The following TENM3 variants were observed in gnomAD, a reference collection of about 807,000 sequenced individuals.
The protein encoded by TENM3 is teneurin-3.
In TENM3, 63 loss-of-function variants were observed where a neutral mutation model predicts 255.1. That is an observed-to-expected ratio of 0.25 (90% CI 0.20 to 0.30). The LOEUF is 0.30. Ranked by LOEUF, TENM3 falls within the 10% of genes least tolerant of loss-of-function variation. The pLI is 1.00. For missense variants in TENM3, 2,929 were observed against 3,461.1 expected (o/e 0.85, Z 3.86); for synonymous variants, 1,306 against 1,322.3 (o/e 0.99, Z 0.27).
At chr4:182,547,060 G>A (rs974026494) in intron 3 of TENM3, among the ~76,000 whole-genome samples, 3 of 152,044 alleles carry the variant, frequency 2.0e-5, no homozygotes, top group African/African-American at 4.8e-5. Flanking sequence ...TGTACCTCAC[G>A]TGATTAATTC....
At chr4:182,351,991 ATC>A (rs1269572876) in intron 3 of TENM3, among the ~76,000 whole-genome samples, 1 of 152,130 alleles carries the variant, frequency 6.6e-6, no homozygotes, top group East Asian at 1.9e-4. Context: ...GGAAAATTAT[ATC>A]TGTTTATGTG....
chr4:182,588,678 C>G (rs1746293764), intron 3 of TENM3, among the ~76,000 whole-genome samples: 1 of 152,030 alleles, frequency 6.6e-6, no homozygotes, highest in Non-Finnish European at 1.5e-5. Context: ...TACACTGAGA[C>G]ATTTTAAAGG....
At chr4:181,599,659 G>C in the TENM3 span, among the ~76,000 whole-genome samples, 1 of 152,266 alleles carries the variant, frequency 6.6e-6, no homozygotes, top group South Asian at 2.1e-4. Flanking sequence ...TCTGGGCAAG[G>C]TGTGGTAATA....
chr4:182,686,663 G>A (rs796989725), intron 11 of TENM3, among the ~76,000 whole-genome samples: 12 of 152,218 alleles, frequency 7.9e-5, no homozygotes, highest in African/African-American at 2.9e-4. Context: ...ACAGCAGTTT[G>A]TTCATTAATT....
chr4:181,551,118 T>C, the TENM3 span, among the ~76,000 whole-genome samples: 2 of 152,170 alleles, frequency 1.3e-5, no homozygotes, highest in African/African-American at 4.8e-5. Context: ...GGGAAGCAGG[T>C]TATGGTAGCA....
chr4:182,101,092 G>GAGGAAGGAAGGAAGGAAAGA, the TENM3 span, among the ~76,000 whole-genome samples: 2 of 33,210 alleles, frequency 6.0e-5, no homozygotes, highest in Non-Finnish European at 7.0e-5. Flanking sequence ...GGGAGGGAGG[G>GAGGAAGGAAGGAAGGAAAGA]AGGGAGGGAG....
chr4:181,605,034 A>G, the TENM3 span, among the ~76,000 whole-genome samples: 1 of 152,210 alleles, frequency 6.6e-6, no homozygotes, highest in Non-Finnish European at 1.5e-5. Flanking sequence ...ATGTAATCTT[A>G]CATCCACCAT....
At chr4:182,315,248 A>G (rs570127131) in intron 1 of TENM3, among the ~76,000 whole-genome samples, 15 of 152,268 alleles carry the variant, frequency 9.9e-5, no homozygotes, top group Admixed American at 9.8e-4. Context: ...TTGTATAGGT[A>G]CTTATTTCTA....
intron 3 of TENM3, among the ~76,000 whole-genome samples, chr4:182,575,655 A>T (rs1318347511): frequency 1.3e-5 from 2 of 152,186 alleles, no homozygotes; most frequent in Non-Finnish European, 2.9e-5. Flanking sequence ...TAACTTGTAT[A>T]TTTATACATA....
chr4:181,851,911 A>G, the TENM3 span, among the ~76,000 whole-genome samples: 1 of 152,166 alleles, frequency 6.6e-6, no homozygotes, highest in Non-Finnish European at 1.5e-5. Context: ...TATCTTCTAC[A>G]TGCCCAAAGA....
At chr4:182,122,854 A>G in the TENM3 span, among the ~76,000 whole-genome samples, 1 of 152,198 alleles carries the variant, frequency 6.6e-6, no homozygotes, top group Non-Finnish European at 1.5e-5. Context: ...TCCCATGCAA[A>G]GCTGTTTTCA....
At chr4:182,788,057 G>T (rs181734485) in intron 24 of TENM3, among the ~76,000 whole-genome samples, 12 of 152,314 alleles carry the variant, frequency 7.9e-5, no homozygotes, top group African/African-American at 2.9e-4. Flanking sequence ...GGTTGTGTGT[G>T]TGTGTAAAAT....
chr4:181,655,809 A>G, the TENM3 span, among the ~76,000 whole-genome samples: 150,322 of 152,294 alleles, frequency 0.99, 74,224 homozygotes, highest in East Asian at 1. Context: ...GTTTTGAGGA[A>G]CTGAAAGTAA....
At chr4:182,444,265 C>G (rs1772727421) in intron 3 of TENM3, among the ~76,000 whole-genome samples, 1 of 152,140 alleles carries the variant, frequency 6.6e-6, no homozygotes, top group South Asian at 2.1e-4. Flanking sequence ...GTCCATATAG[C>G]TGTTAGAAAG....
rs931486196 is a variant in TENM3, at chr4:182,689,548, G to T, written c.2221+1197G>T. 2.0e-5 allele frequency among the ~76,000 whole-genome samples: 3 copies of T among 152,182 alleles called. No homozygotes were observed. In the South Asian group the frequency reaches 6.2e-4, roughly 32 times the overall value. ...AAGAACTCAGGACCCAGAGGTAGTT[G>T]TGTCATGGCTATAATGTATCACAAC... On this transcript the variant is annotated intron_variant, in intron 12 of 27. Transcript: ENST00000511685.
chr4:181,806,882 A>G, the TENM3 span, among the ~76,000 whole-genome samples: 159 of 152,338 alleles, frequency 1.0e-3, no homozygotes, highest in African/African-American at 3.8e-3. Context: ...TCATATTTGT[A>G]ACTGATTCAT....
At chr4:181,848,749 A>T in the TENM3 span, among the ~76,000 whole-genome samples, 1 of 152,238 alleles carries the variant, frequency 6.6e-6, no homozygotes, top group African/African-American at 2.4e-5. Flanking sequence ...AAATTGAGGG[A>T]TGTAAGAATG....
intron 3 of TENM3, among the ~76,000 whole-genome samples, chr4:182,554,049 C>T (rs371843769): frequency 9.2e-5 from 14 of 152,108 alleles, no homozygotes; most frequent in South Asian, 2.1e-4. Flanking sequence ...CAATCTCAGA[C>T]GCAAGTGTAA....
chr4:182,302,568 A>G (rs567230935), intron 1 of TENM3, among the ~76,000 whole-genome samples: 1 of 152,308 alleles, frequency 6.6e-6, no homozygotes. Context: ...TAAGTTGAAT[A>G]GAAACATCAT....
Sources: allele counts gnomAD v4.1 joint callset (sites outside exome capture counted in the v4.1 genomes callset), GRCh38; gene constraint gnomAD v4.1.1; transcripts MANE v1.5; gene names NCBI Gene and HGNC (gene_info 2026-07-23, HGNC 2026-07-21).